Variants in CCDC97 observed in about 807,000 individuals in gnomAD.
CCDC97 encodes the protein coiled-coil domain containing 97.
A neutral mutation model predicts 33.9 loss-of-function variants in CCDC97; 27 were observed. The observed-to-expected ratio is 0.80, with a 90% CI of 0.59 to 1.10. The LOEUF (loss-of-function observed/expected upper bound fraction) is 1.10. Ranked by LOEUF, CCDC97 falls within the 50% of genes least tolerant of loss-of-function variation. CCDC97 has a pLI of 0.00. For missense variants in CCDC97, 422 were observed against 476.6 expected (o/e 0.89, Z 1.07); for synonymous variants, 217 against 194.0 (o/e 1.12, Z -0.99).
Position 41,324,244 on chromosome 19 carries a change from G to A in CCDC97, c.*1529G>A, listed in dbSNP as rs1348992444. 1.3e-5 allele frequency: 2 copies of A among 152,378 alleles called. No homozygotes were observed. The highest frequency in any genetic ancestry group is 6.5e-5 in the Admixed American group (1 of 15,308). 9.4% of individuals were successfully genotyped at this position (152,378 alleles called of 1,614,324 possible). A position where few individuals can be genotyped will look rare whatever the true frequency, so the allele number is the denominator to read the frequency against. On this transcript the variant is annotated 3_prime_UTR_variant, in exon 5 of 5. Transcript: ENST00000269967. ...TCTGTCAGGCCCGAGCGAAGTGCCT[G>A]ACACCGGGTTGGATCCTCAGATGGC...
intron 1 of CCDC97, 160 bp downstream of exon 1, chr19:41,310,516 C>T (rs2037670122): frequency 1.0e-6 from 1 of 985,088 alleles, no homozygotes; most frequent in South Asian, 4.7e-5. Flanking sequence ...TATTCCCTCC[C>T]TTGTCGCGGG....
chr19:41,322,970 C>T lies in CCDC97; in HGVS notation c.*255C>T. ...GGTGTCTGTCTGGGCTTCTTTCTGT[C>T]TCTTTCTGTCTTTCTGTCTCTCTCC... On this transcript the variant is annotated 3_prime_UTR_variant, in exon 5 of 5. Transcript: ENST00000269967. The T allele has an allele frequency of 3.1e-6, 1 of 325,688 alleles. No homozygotes were observed. The highest frequency in any genetic ancestry group is 5.8e-6 in the Non-Finnish European group (1 of 172,678). 20.2% of individuals were successfully genotyped at this position (325,688 alleles called of 1,614,324 possible). A position where few individuals can be genotyped will look rare whatever the true frequency, so the allele number is the denominator to read the frequency against.
chr19:41,316,810 G>T lies in CCDC97; in HGVS notation c.473G>T (p.Arg158Leu), dbSNP rs781058979. 1 of 1,594,570 alleles carries T rather than the reference G, an allele frequency of 6.3e-7. No individual in the cohort carries two copies. Residue 158 changes from arginine to leucine, a missense_variant, in exon 2 of 5, where the codon CGC (arginine) becomes CTC (leucine). Arg to Leu is a moderately radical substitution (Grantham distance 102). Coordinates refer to ENST00000269967, the MANE Select transcript of CCDC97 (RefSeq NM_052848.3). ...RTLRTRLRNRRYAALRELIQG... is the reference protein window; with the variant it reads ...RTLRTRLRNRLYAALRELIQG... ...CTGCGTACCCGCCTGCGTAACCGGC[G>T]CTATGCTGCCCTGCGAGAGCTGATC...
intron 1 of CCDC97, among the ~76,000 whole-genome samples, chr19:41,315,830 C>T (rs1224639508): frequency 6.6e-6 from 1 of 151,470 alleles, no homozygotes; most frequent in African/African-American, 2.4e-5. Flanking sequence ...CAGTGGCTTA[C>T]ACCTTTAATG....
chr19:41,314,191 G>A (rs557582180), intron 1 of CCDC97, among the ~76,000 whole-genome samples: 1 of 150,626 alleles, frequency 6.6e-6, no homozygotes, highest in South Asian at 2.1e-4. Flanking sequence ...TTGTTGCCCA[G>A]ACTGGAGTGC....
chr19:41,312,068 C>T lies in CCDC97; in HGVS notation c.46+1712C>T, dbSNP rs145580987. On this transcript the variant is annotated intron_variant, in intron 1 of 4. Transcript: ENST00000269967. ...TTCCCCCATGTTGTTCAATTCAGTC[C>T]CCCCATTCAGGTTTTTGTTTGTTTG... Among the ~76,000 whole-genome samples the T allele has an allele frequency of 4.5e-4, 68 of 152,132 alleles. No individual in the cohort carries two copies. In the Middle Eastern group the frequency reaches 0.014, roughly 31 times the overall value.
At chr19:41,314,769 GCAGGAGGATCACTTGAGGC>G (rs2037725701) in intron 1 of CCDC97, among the ~76,000 whole-genome samples, 1 of 152,252 alleles carries the variant, frequency 6.6e-6, no homozygotes, top group Admixed American at 6.5e-5. Flanking sequence ...GAAGCCTGAG[GCAGGAGGATCACTTGAGGC>G]CAGGAGTTCA....
chr19:41,316,441 C>G lies in CCDC97; in HGVS notation c.104C>G (p.Ser35Cys). 1.9e-6 allele frequency: 3 copies of G among 1,614,222 alleles called. No individual in the cohort carries two copies. Among genetic ancestry groups the G allele is most frequent in the Middle Eastern group, 1.6e-4 (1 of 6,062 alleles). Residue 35 changes from serine to cysteine, a missense_variant, in exon 2 of 5, where the codon TCT becomes TGT. Ser to Cys is a moderately radical substitution (Grantham distance 112). Coordinates refer to ENST00000269967, the MANE Select transcript of CCDC97 (RefSeq NM_052848.3). ...WGELSRTPVP[S>C]KPQDKVEAAE... ...GAGCTGAGCCGGACACCAGTCCCATCTAAACCCCAGGACAAAGTGGAAGCA... is the reference window on the plus strand; with the variant it reads ...GAGCTGAGCCGGACACCAGTCCCATGTAAACCCCAGGACAAAGTGGAAGCA...
At position 41,324,660 on chromosome 19, in the gene CCDC97, A is replaced by G. The variant is rs1016632140; in HGVS notation, c.*1945A>G. ...CCAATATCACTCCTCTATTTCCCAG[A>G]GGAGGAAGCAGCAGCTAGACTCCAG... On this transcript the variant is annotated 3_prime_UTR_variant, in exon 5 of 5. Transcript: ENST00000269967. The G allele has an allele frequency of 3.9e-5, 6 of 152,198 alleles. No individual in the cohort carries two copies. Among genetic ancestry groups the G allele is most frequent in the African/African-American group, 1.4e-4 (6 of 41,444 alleles). 9.4% of individuals were successfully genotyped at this position (152,198 alleles called of 1,614,324 possible). A position where few individuals can be genotyped will look rare whatever the true frequency, so the allele number is the denominator to read the frequency against.
chr19:41,323,883 A>G lies in CCDC97; in HGVS notation c.*1168A>G, dbSNP rs2123068488. 1 of 153,096 alleles carries G rather than the reference A, an allele frequency of 6.5e-6. No homozygotes were observed. The highest frequency in any genetic ancestry group is 2.1e-4 in the South Asian group (1 of 4,844). 9.5% of individuals were successfully genotyped at this position (153,096 alleles called of 1,614,324 possible). ...GGGAACCCAGGCGTCCCGCCTTCCC[A>G]TGCCCCCACACCCGGCTCCTGCTCC... On this transcript the variant is annotated 3_prime_UTR_variant, in exon 5 of 5. Coordinates refer to ENST00000269967, the MANE Select transcript of CCDC97 (RefSeq NM_052848.3).
At chr19:41,313,664 G>T (rs761427012) in intron 1 of CCDC97, among the ~76,000 whole-genome samples, 1 of 152,162 alleles carries the variant, frequency 6.6e-6, no homozygotes, top group Non-Finnish European at 1.5e-5. Flanking sequence ...TGGGAAACAA[G>T]TCTCACCAAG....
chr19:41,320,668 A>T (rs1283993530), intron 4 of CCDC97, 198 bp downstream of exon 4: 1 of 594,648 alleles, frequency 1.7e-6, no homozygotes, highest in Admixed American at 2.9e-5. Context: ...TCAGACCCTC[A>T]GTCTCCTCAC....
In CCDC97 at chr19:41,316,371, C is replaced by T. The variant is rs770320547; in HGVS notation, c.47-13C>T. On this transcript the variant is annotated splice_polypyrimidine_tract_variant and intron_variant, in intron 1 of 4. Coordinates refer to ENST00000269967, the MANE Select transcript of CCDC97 (RefSeq NM_052848.3). Reference sequence around the variant, plus strand: ...CTCCCATCTCTGAACTAACCAATCTCTCCTTTCCTCAGGCTGCATAGAGCC... The same window carrying T: ...CTCCCATCTCTGAACTAACCAATCTTTCCTTTCCTCAGGCTGCATAGAGCC... The T allele has an allele frequency of 8.1e-6, 13 of 1,601,282 alleles. No homozygotes were observed.
chr19:41,316,261 A>G, intron 1 of CCDC97, 123 bp from the exon 2 acceptor site: 2 of 700,348 alleles, frequency 2.9e-6, no homozygotes, highest in South Asian at 2.0e-5. Context: ...TGGTTTCTCT[A>G]GTGCCCAGAA....
chr19:41,310,890 T>C (rs2037675650), intron 1 of CCDC97: 3 of 987,658 alleles, frequency 3.0e-6, no homozygotes, highest in Non-Finnish European at 3.6e-6. Context: ...ACTCAATTTC[T>C]GTGCTTTCCC....
chr19:41,322,105 G>T (rs946046985), intron 4 of CCDC97, among the ~76,000 whole-genome samples: 4 of 152,006 alleles, frequency 2.6e-5, no homozygotes, highest in Non-Finnish European at 2.9e-5. Flanking sequence ...GAGCTTTGGG[G>T]TTTTTTTTAG....
chr19:41,315,603 T>TC (rs760041478), intron 1 of CCDC97, among the ~76,000 whole-genome samples: 20 of 141,352 alleles, frequency 1.4e-4, no homozygotes, highest in Non-Finnish European at 2.9e-4. Flanking sequence ...AGAGCAAAAC[T>TC]CCATCTCAAA....
At position 41,319,746 on chromosome 19, in the gene CCDC97, C is replaced by T. The variant is rs764988861; in HGVS notation, c.675C>T (p.Leu225=). The part of the protein sequence containing the change: ...RPACPLSNLL[L]QSYEERELQQ... ...CTTGCCCGCTCTCCAACTTGCTGCTCCAGTCCTACGAGGAGCGGGAGCTAC... is the reference window on the plus strand; with the variant it reads ...CTTGCCCGCTCTCCAACTTGCTGCTTCAGTCCTACGAGGAGCGGGAGCTAC... Residue 225 remains leucine, a synonymous_variant, in exon 3 of 5, where the codon CTC becomes CTT. Transcript: ENST00000269967. The T allele has an allele frequency of 7.4e-6, 12 of 1,613,896 alleles. No individual in the cohort carries two copies. Among genetic ancestry groups the T allele is most frequent in the Non-Finnish European group, 1.0e-5 (12 of 1,179,874 alleles).
rs377173036 is a variant in CCDC97 at position 41,319,697 on chromosome 19, A to G, written c.626A>G (p.Lys209Arg). The change falls in exon 3 of 5, where the codon AAG becomes AGG. Residue 209 changes from lysine to arginine, a missense_variant. Physicochemically the swap from Lys to Arg is conservative, Grantham distance 26. Transcript: ENST00000269967. The stretch of plus-strand genomic sequence containing the variant: ...CGCACCCCAACCCACCAGCCCCCCA[A>G]GCCCGGGTCCCCCGGGAGACCTGCT... ...SARTPTHQPPKPGSPGRPACP... is the reference protein window; with the variant it reads ...SARTPTHQPPRPGSPGRPACP... The G allele has an allele frequency of 3.0e-5, 49 of 1,613,712 alleles. No individual in the cohort carries two copies. Among genetic ancestry groups the G allele is most frequent in the Non-Finnish European group, 4.2e-5 (49 of 1,179,790 alleles).
Sources: gnomAD v4.1 joint callset for allele counts (sites outside exome capture counted in the v4.1 genomes callset) on GRCh38, gnomAD v4.1.1 for gene constraint, MANE v1.5 for transcripts, NCBI Gene and HGNC (gene_info 2026-07-23, HGNC 2026-07-21) for gene names.